GPR39: variants seen among roughly 807,000 people sequenced by gnomAD.
The protein encoded by GPR39 is zinc sensing receptor.
A neutral mutation model predicts 18.4 loss-of-function variants in GPR39; 23 were observed. That is an observed-to-expected ratio of 1.25 (90% confidence interval 0.90 to 1.77). The LOEUF (loss-of-function observed/expected upper bound fraction) is 1.77, where lower values mean the gene tolerates loss of function less well. Ranked by LOEUF, GPR39 falls within the 40% of genes most tolerant of loss-of-function variation. The probability of loss-of-function intolerance (pLI) is 0.00; values close to 1 mark genes in which losing one functional copy is unlikely to be tolerated. For missense variants in GPR39, 647 were observed against 602.4 expected, an observed-to-expected ratio of 1.07 and a Z score of -0.78; for synonymous variants, 280 against 257.9, an observed-to-expected ratio of 1.09 and a Z score of -0.82.
At chr2:132,441,026 T>C (rs1292560943) in intron 1 of GPR39, among the ~76,000 whole-genome samples, 1 of 152,174 alleles carries the variant, frequency 6.6e-6, no homozygotes, top group East Asian at 1.9e-4. Flanking sequence ...TTTAAGTAAA[T>C]TAAAAACTCA....
intron 1 of GPR39, among the ~76,000 whole-genome samples, chr2:132,533,031 A>G (rs2104777538): frequency 6.6e-6 from 1 of 152,240 alleles, no homozygotes; most frequent in South Asian, 2.1e-4. Flanking sequence ...AAGGGCATTC[A>G]ATTAGGAAAA....
In GPR39 at chr2:132,420,298, T is replaced by C. The variant is rs552083776; in HGVS notation, c.856+2400T>C. ...TCTCGCAAATGTCCTCCTCTCCCAA[T>C]GAATTTCAAAGAGCTTTTAAAAATA... On this transcript the variant is annotated intron_variant, in intron 1 of 1. Transcript: ENST00000329321. 2.6e-5 allele frequency among the ~76,000 whole-genome samples: 4 copies of C among 152,298 alleles called. No homozygotes were observed. In the East Asian group the frequency reaches 7.7e-4, roughly 29 times the overall value.
intron 1 of GPR39, among the ~76,000 whole-genome samples, chr2:132,467,548 C>A (rs1680949776): frequency 6.6e-6 from 1 of 152,080 alleles, no homozygotes; most frequent in South Asian, 2.1e-4. Flanking sequence ...TGCATGTACC[C>A]TCTGAATCTA....
Position 132,417,804 on chromosome 2 carries a change from G to T in GPR39, c.762G>T (p.Lys254Asn), listed in dbSNP as rs1455220731. ...TGCAGGTGCTCATGAAAAGCCAGAA[G>T]GGCTCGCTGGCCGGGGGCACGCGGC... is the stretch of plus-strand genomic sequence containing the variant. ...NMMQVLMKSQ[K>N]GSLAGGTRPP... Residue 254 changes from lysine (K) to asparagine (N), a missense_variant, in exon 1 of 2, where the codon AAG (lysine) becomes AAT (asparagine). By Grantham distance (94) the Lys-to-Asn change is moderately conservative (BLOSUM62 0). Around this residue, in one of 3 missense-constraint regions of GPR39, gnomAD observed 581 missense variants for 506.8 expected, o/e 1.15. Coordinates refer to ENST00000329321, the MANE Select transcript of GPR39 (RefSeq NM_001508.3). 6.2e-7 allele frequency: 1 copy of T among 1,614,110 alleles called. No homozygotes were observed. Among genetic ancestry groups the T allele is most frequent in the East Asian group, 2.2e-5 (1 of 44,870 alleles).
At chr2:132,426,985 A>T (rs979523933) in intron 1 of GPR39, among the ~76,000 whole-genome samples, 89 of 152,006 alleles carry the variant, frequency 5.9e-4, no homozygotes, top group Non-Finnish European at 1.3e-4. Flanking sequence ...GTGAAGAGGA[A>T]AAAGATCAAC....
At chr2:132,590,055 T>C (rs748369350) in intron 1 of GPR39, among the ~76,000 whole-genome samples, 3 of 152,230 alleles carry the variant, frequency 2.0e-5, no homozygotes, top group Non-Finnish European at 2.9e-5. Context: ...TCTTTTCATA[T>C]AGTAGAATTA....
intron 1 of GPR39, among the ~76,000 whole-genome samples, chr2:132,560,583 A>G (rs1207220563): frequency 6.6e-6 from 1 of 152,182 alleles, no homozygotes; most frequent in African/African-American, 2.4e-5. Flanking sequence ...CAGTCCAGGA[A>G]TTTCAGGCCC....
At chr2:132,598,064 A>G (rs1680977557) in intron 1 of GPR39, among the ~76,000 whole-genome samples, 1 of 152,228 alleles carries the variant, frequency 6.6e-6, no homozygotes, top group African/African-American at 2.4e-5. Flanking sequence ...TCGGGGCCAC[A>G]GAAAATGCAG....
chr2:132,595,353 C>T (rs1680919898), intron 1 of GPR39, among the ~76,000 whole-genome samples: 1 of 148,404 alleles, frequency 6.7e-6, no homozygotes, highest in African/African-American at 2.5e-5. Flanking sequence ...ATACTTGTAG[C>T]ACATACCTCA....
chr2:132,544,842 C>T (rs1056015949), intron 1 of GPR39, among the ~76,000 whole-genome samples: 1 of 152,112 alleles, frequency 6.6e-6, no homozygotes, highest in Non-Finnish European at 1.5e-5. Flanking sequence ...GGGTCCAGGG[C>T]TTTTATGGGC....
At chr2:132,548,893 A>G (rs1370156761) in intron 1 of GPR39, among the ~76,000 whole-genome samples, 2 of 152,172 alleles carry the variant, frequency 1.3e-5, no homozygotes, top group Non-Finnish European at 2.9e-5. Flanking sequence ...ATACATTCAC[A>G]TTGTTCAACA....
chr2:132,471,505 G>A (rs1404858352), intron 1 of GPR39, among the ~76,000 whole-genome samples: 1 of 152,086 alleles, frequency 6.6e-6, no homozygotes, highest in Non-Finnish European at 1.5e-5. Flanking sequence ...TATTTCATAG[G>A]GGTGGTGGTT....
chr2:132,520,365 T>C (rs1209345411), intron 1 of GPR39, among the ~76,000 whole-genome samples: 1 of 152,230 alleles, frequency 6.6e-6, no homozygotes, highest in East Asian at 1.9e-4. Context: ...TTTTGAATCC[T>C]TCATGCCAAG....
At chr2:132,437,726 C>G (rs983034415) in intron 1 of GPR39, among the ~76,000 whole-genome samples, 4 of 152,156 alleles carry the variant, frequency 2.6e-5, no homozygotes, top group African/African-American at 4.8e-5. Flanking sequence ...TACAGAGAGG[C>G]ATTAGACATG....
intron 1 of GPR39, among the ~76,000 whole-genome samples, chr2:132,457,786 G>A (rs1297860209): frequency 2.2e-4 from 34 of 152,322 alleles, no homozygotes; most frequent in East Asian, 1.5e-3. Context: ...GGTGGGCTCC[G>A]CCCAGTTTGA....
chr2:132,616,589 C>T (rs1456201479), intron 1 of GPR39, among the ~76,000 whole-genome samples: 2 of 152,116 alleles, frequency 1.3e-5, no homozygotes, highest in Non-Finnish European at 2.9e-5. Flanking sequence ...GAATAAAATG[C>T]TTCTCTCTCC....
intron 1 of GPR39, among the ~76,000 whole-genome samples, chr2:132,476,626 ACT>A (rs1681132181): frequency 8.3e-6 from 1 of 120,232 alleles, no homozygotes; most frequent in Non-Finnish European, 1.7e-5. Context: ...ACAGAGCAAG[ACT>A]CCATCTCAAA....
intron 1 of GPR39, among the ~76,000 whole-genome samples, chr2:132,521,681 G>C (rs1014208733): frequency 7.9e-6 from 1 of 126,406 alleles, no homozygotes; most frequent in Non-Finnish European, 1.7e-5. Context: ...CTCCATCTCC[G>C]GGATCTTGTT....
At chr2:132,511,636 C>T (rs954892313) in intron 1 of GPR39, among the ~76,000 whole-genome samples, 10 of 152,214 alleles carry the variant, frequency 6.6e-5, no homozygotes, top group East Asian at 1.9e-4. Context: ...ATATTTGCTG[C>T]GGAAGGTGAT....
Sources: allele counts gnomAD v4.1 joint callset (sites outside exome capture counted in the v4.1 genomes callset), GRCh38; gene constraint gnomAD v4.1.1; regional missense constraint gnomAD v4.1.1; transcripts MANE v1.5; gene names NCBI Gene and HGNC (gene_info 2026-07-23, HGNC 2026-07-21).